Variants in PAPPA2 observed in about 807,000 individuals in gnomAD.
The protein encoded by PAPPA2 is pappalysin 2.
A neutral mutation model predicts 176.4 loss-of-function variants in PAPPA2; 86 were observed. The ratio of observed to expected loss-of-function variants is 0.49; its 90% CI spans 0.41 to 0.58. PAPPA2 has a LOEUF of 0.58. Among genes scored for constraint, PAPPA2 ranks in the 20% least tolerant of loss-of-function variants. The probability of loss-of-function intolerance (pLI) is 0.00; values close to 1 mark genes in which losing one functional copy is unlikely to be tolerated. For missense variants in PAPPA2, 2,073 were observed against 2,256.9 expected, an observed-to-expected ratio of 0.92 and a Z score of 1.65; for synonymous variants, 809 against 852.2, an observed-to-expected ratio of 0.95 and a Z score of 0.88.
intron 3 of PAPPA2, among the ~76,000 whole-genome samples, chr1:176,634,987 ATAG>A (rs1656609735): frequency 1.3e-5 from 2 of 151,822 alleles, no homozygotes; most frequent in Admixed American, 1.3e-4. Flanking sequence ...AGATAGATAG[ATAG>A]ATAGATAGAT....
chr1:176,574,119 A>T (rs375305782), intron 2 of PAPPA2, among the ~76,000 whole-genome samples: 2 of 152,140 alleles, frequency 1.3e-5, no homozygotes. Flanking sequence ...GTTGGCCTTG[A>T]TACAAATGAA....
intron 3 of PAPPA2, among the ~76,000 whole-genome samples, chr1:176,635,695 T>C (rs1272207947): frequency 6.6e-6 from 1 of 152,186 alleles, no homozygotes; most frequent in Non-Finnish European, 1.5e-5. Context: ...TTTGTTCTTC[T>C]TTTATTATTT....
chr1:176,746,607 A>G (rs1398509247), intron 14 of PAPPA2, among the ~76,000 whole-genome samples: 1 of 152,132 alleles, frequency 6.6e-6, no homozygotes, highest in Non-Finnish European at 1.5e-5. Flanking sequence ...AGAAATTCAT[A>G]TTTTTTTAAT....
At chr1:176,700,590 C>T (rs983553487) in intron 8 of PAPPA2, among the ~76,000 whole-genome samples, 1 of 152,206 alleles carries the variant, frequency 6.6e-6, no homozygotes, top group Non-Finnish European at 1.5e-5. Context: ...CAAGGCCTGG[C>T]CTGGGCTTTT....
At chr1:176,609,326 C>G (rs977757355) in intron 3 of PAPPA2, among the ~76,000 whole-genome samples, 1 of 152,142 alleles carries the variant, frequency 6.6e-6, no homozygotes, top group African/African-American at 2.4e-5. Context: ...GTGTGGTATA[C>G]AGCAGTGAAA....
intron 9 of PAPPA2, among the ~76,000 whole-genome samples, chr1:176,705,415 A>G (rs1288066936): frequency 6.6e-6 from 1 of 152,166 alleles, no homozygotes. Context: ...GCATACTTTA[A>G]ACAATAGATT....
At chr1:176,674,718 A>G (rs1659192052) in intron 4 of PAPPA2, among the ~76,000 whole-genome samples, 1 of 151,582 alleles carries the variant, frequency 6.6e-6, no homozygotes, top group African/African-American at 2.4e-5. Flanking sequence ...GTGCTGCTAT[A>G]AACATGTGTG....
intron 14 of PAPPA2, among the ~76,000 whole-genome samples, chr1:176,765,223 C>G (rs980016823): frequency 6.6e-6 from 1 of 152,184 alleles, no homozygotes; most frequent in African/African-American, 2.4e-5. Flanking sequence ...ACCTTGTGAT[C>G]AAACATTTGA....
At chr1:176,712,343 CTTAGTTA>C (rs931813909) in intron 12 of PAPPA2, among the ~76,000 whole-genome samples, 1 of 152,144 alleles carries the variant, frequency 6.6e-6, no homozygotes, top group African/African-American at 2.4e-5. Flanking sequence ...CATGTCCCCT[CTTAGTTA>C]TTACACCACT....
chr1:176,817,317 G>C (rs1204346829), intron 21 of PAPPA2, among the ~76,000 whole-genome samples: 1 of 152,168 alleles, frequency 6.6e-6, no homozygotes, highest in Non-Finnish European at 1.5e-5. Flanking sequence ...AACCACTAGA[G>C]GATGGAGCAT....
intron 1 of PAPPA2, among the ~76,000 whole-genome samples, chr1:176,516,089 T>G (rs1381894270): frequency 6.6e-6 from 1 of 152,106 alleles, no homozygotes; most frequent in East Asian, 1.9e-4. Context: ...CAGGACAACA[T>G]GTTCTCAAGA....
rs756554222 is a variant in PAPPA2, at chr1:176,793,590, C to T, written c.5051C>T (p.Pro1684Leu). The T allele has an allele frequency of 1.2e-6, 2 of 1,613,060 alleles. No individual in the cohort carries two copies. Among genetic ancestry groups the T allele is most frequent in the East Asian group, 2.2e-5 (1 of 44,856 alleles). ...GTGTGTTCCCCATTGTGTGTAATCCCCCCCAGTGACCCCGTGATGCTACCT... is the reference window on the plus strand; with the variant it reads ...GTGTGTTCCCCATTGTGTGTAATCCTCCCCAGTGACCCCGTGATGCTACCT... ...GAVCSPLCVI[P>L]PSDPVMLPEN... Residue 1684 changes from proline (P) to leucine (L), a missense_variant, in exon 20 of 23, where the codon CCC becomes CTC. Physicochemically the swap from Pro to Leu is moderately conservative, Grantham distance 98 (BLOSUM62 -3). Transcript: ENST00000367662.
chr1:176,811,909 C>A (rs574916932), intron 21 of PAPPA2, among the ~76,000 whole-genome samples: 18 of 152,202 alleles, frequency 1.2e-4, no homozygotes, highest in Non-Finnish European at 1.8e-4. Context: ...CCCTACACCC[C>A]CTACCTTTCC....
At chr1:176,549,823 C>G (rs1010744912) in intron 1 of PAPPA2, among the ~76,000 whole-genome samples, 1 of 152,132 alleles carries the variant, frequency 6.6e-6, no homozygotes, top group Non-Finnish European at 1.5e-5. Flanking sequence ...CTAGACTTAC[C>G]CCTGGCTCTA....
intron 12 of PAPPA2, among the ~76,000 whole-genome samples, chr1:176,718,698 C>CT (rs144689160): frequency 0.022 from 3,082 of 143,282 alleles, 56 homozygotes; most frequent in East Asian, 0.05. Flanking sequence ...TTTGGGGTAA[C>CT]TTTTTTTTTT....
intron 2 of PAPPA2, among the ~76,000 whole-genome samples, chr1:176,564,722 C>CTTTTTTT (rs71299415): frequency 2.2e-5 from 3 of 133,926 alleles, no homozygotes; most frequent in Non-Finnish European, 1.6e-5. Flanking sequence ...CTTTCCTTTT[C>CTTTTTTT]TTTTTTTTTT....
At position 176,595,057 on chromosome 1, in the gene PAPPA2, G is replaced by C. The variant is rs763247787; in HGVS notation, c.1453G>C (p.Glu485Gln). 91 of 1,614,018 alleles carry C rather than the reference G, an allele frequency of 5.6e-5. 2 individuals carry two copies. In the South Asian group the frequency reaches 8.7e-4, roughly 15 times the overall value. ...YPRLEVLQGF[E>Q]PEPEILSPLQ... ...ACGACTTGAGGTTCTCCAGGGCTTT[G>C]AGCCAGAGCCTGAGATTCTGTCGCC... Residue 485 changes from glutamate to glutamine, a missense_variant, in exon 3 of 23, where the codon GAG becomes CAG. Around this residue, in one of 4 missense-constraint regions of PAPPA2, gnomAD observed 1,196 missense variants for 1,330.4 expected, o/e 0.90. Coordinates refer to ENST00000367662, the MANE Select transcript of PAPPA2 (RefSeq NM_020318.3).
At chr1:176,725,586 A>G (rs1661828381) in intron 12 of PAPPA2, among the ~76,000 whole-genome samples, 1 of 152,202 alleles carries the variant, frequency 6.6e-6, no homozygotes, top group Admixed American at 6.5e-5. Context: ...GTAAAGTGAA[A>G]AATAGACTTG....
At position 176,710,017 on chromosome 1, in the gene PAPPA2, T is replaced by C. The variant is rs747396700; in HGVS notation, c.3492T>C (p.Asp1164=). ...GCCTTTGCTACATGTATGAGGGAGATGGCATATGTGAACCTTTTGAGAGAA... is the reference window on the plus strand; with the variant it reads ...GCCTTTGCTACATGTATGAGGGAGACGGCATATGTGAACCTTTTGAGAGAA... The part of the protein sequence containing the change: ...EPSLCYMYEG[D]GICEPFERKT... The change falls in exon 11 of 23, where the codon GAT becomes GAC. Residue 1164 remains aspartate, a synonymous_variant. Transcript: ENST00000367662. 1.2e-6 allele frequency: 2 copies of C among 1,612,292 alleles called. No individual in the cohort carries two copies. Among genetic ancestry groups the C allele is most frequent in the Non-Finnish European group, 1.7e-6 (2 of 1,178,800 alleles).
Sources: gnomAD v4.1 joint callset for allele counts (sites outside exome capture counted in the v4.1 genomes callset) on GRCh38, gnomAD v4.1.1 for gene constraint, gnomAD v4.1.1 regional missense constraint, MANE v1.5 for transcripts, NCBI Gene and HGNC (gene_info 2026-07-23, HGNC 2026-07-21) for gene names.